The following LDB2 variants were observed in gnomAD, a reference collection of about 807,000 sequenced individuals.
LDB2 encodes the protein LIM domain-binding protein 2.
LDB2 carries 12 observed loss-of-function variants against 44.3 expected under a neutral mutation model. The observed-to-expected ratio is 0.27, with a 90% confidence interval of 0.17 to 0.44. The LOEUF is 0.44. LDB2 is among the 20% of genes least tolerant of loss of function. The pLI is 1.00. For missense variants in LDB2, 344 were observed against 473.5 expected, an observed-to-expected ratio of 0.73 and a Z score of 2.54; for synonymous variants, 164 against 174.8, an observed-to-expected ratio of 0.94 and a Z score of 0.49.
At chr4:16,508,744 A>G (rs1420913703) in intron 6 of LDB2, 58 bp from the exon 7 acceptor site, 4 of 1,546,478 alleles carry the variant, frequency 2.6e-6, no homozygotes, top group East Asian at 4.6e-5. Context: ...CAAGGCAATC[A>G]TCAGTATGGT....
intron 2 of LDB2, among the ~76,000 whole-genome samples, chr4:16,700,976 C>T (rs776164391): frequency 2.0e-5 from 3 of 152,120 alleles, no homozygotes; most frequent in Non-Finnish European, 4.4e-5. Context: ...TATATGAACT[C>T]ATTTGTTACT....
At chr4:16,829,911 C>T (rs1485260918) in intron 1 of LDB2, among the ~76,000 whole-genome samples, 2 of 152,052 alleles carry the variant, frequency 1.3e-5, no homozygotes, top group Non-Finnish European at 2.9e-5. Context: ...TTGAGACCAT[C>T]CTGGCCGACA....
chr4:16,529,380 T>G (rs1407264305), intron 5 of LDB2, among the ~76,000 whole-genome samples: 1 of 152,156 alleles, frequency 6.6e-6, no homozygotes, highest in African/African-American at 2.4e-5. Context: ...TAATGTTGAA[T>G]GAATGAATGA....
chr4:16,729,790 A>G (rs940532326), intron 2 of LDB2, among the ~76,000 whole-genome samples: 1 of 152,164 alleles, frequency 6.6e-6, no homozygotes, highest in Admixed American at 6.5e-5. Context: ...TCGTCTTTCT[A>G]AGGAGCACAC....
At chr4:16,694,396 G>A (rs965950777) in intron 2 of LDB2, among the ~76,000 whole-genome samples, 1 of 152,170 alleles carries the variant, frequency 6.6e-6, no homozygotes, top group Non-Finnish European at 1.5e-5. Flanking sequence ...AACATTGACC[G>A]ATCACAGCTG....
intron 1 of LDB2, among the ~76,000 whole-genome samples, chr4:16,876,135 G>C (rs1414732535): frequency 6.6e-6 from 1 of 152,136 alleles, no homozygotes; most frequent in African/African-American, 2.4e-5. Context: ...TGTTTCAGAA[G>C]CGCTCAAGGT....
rs528044387 is a variant in LDB2, at chr4:16,652,515, G to A, written c.236-56640C>T. Reference sequence around the variant, plus strand: ...GCTGATAGATATTTAGCCCGTCCTGGTCCTAATGGACTTCTGCCACCCCAT... The same window carrying A: ...GCTGATAGATATTTAGCCCGTCCTGATCCTAATGGACTTCTGCCACCCCAT... On this transcript the variant is annotated intron_variant, in intron 2 of 7. Transcript: ENST00000304523. 9.3e-4 allele frequency among the ~76,000 whole-genome samples: 141 copies of A among 152,274 alleles called. 1 individual carries two copies. The highest frequency in any genetic ancestry group is 3.3e-3 in the African/African-American group (138 of 41,558).
intron 2 of LDB2, among the ~76,000 whole-genome samples, chr4:16,618,038 C>T (rs1727813739): frequency 6.6e-6 from 1 of 152,162 alleles, no homozygotes; most frequent in Non-Finnish European, 1.5e-5. Flanking sequence ...CTACTTCCTC[C>T]AGGGTGCCTT....
intron 1 of LDB2, among the ~76,000 whole-genome samples, chr4:16,842,806 A>C (rs1786137839): frequency 6.6e-6 from 1 of 152,248 alleles, no homozygotes; most frequent in South Asian, 2.1e-4. Context: ...CAGGTTCTGG[A>C]ACTGGTATTT....
At chr4:16,690,155 T>C (rs1750280929) in intron 2 of LDB2, among the ~76,000 whole-genome samples, 1 of 152,082 alleles carries the variant, frequency 6.6e-6, no homozygotes, top group Non-Finnish European at 1.5e-5. Context: ...GGGAAGTTTA[T>C]CACAAGGGTG....
At chr4:16,703,438 T>C (rs1435829497) in intron 2 of LDB2, among the ~76,000 whole-genome samples, 1 of 152,186 alleles carries the variant, frequency 6.6e-6, no homozygotes, top group Non-Finnish European at 1.5e-5. Context: ...GACATGCCAA[T>C]AAGGTCATTG....
chr4:16,885,853 G>A (rs148798480), intron 1 of LDB2, among the ~76,000 whole-genome samples: 146 of 152,204 alleles, frequency 9.6e-4, no homozygotes, highest in African/African-American at 3.3e-3. Context: ...AAATGCTAAC[G>A]GTCATTATAA....
chr4:16,602,738 A>T (rs984310967), intron 2 of LDB2, among the ~76,000 whole-genome samples: 1 of 152,156 alleles, frequency 6.6e-6, no homozygotes, highest in Admixed American at 6.6e-5. Context: ...CCAAGACTTC[A>T]GTCACCCTAC....
intron 2 of LDB2, among the ~76,000 whole-genome samples, chr4:16,696,074 G>T (rs1285453943): frequency 2.6e-5 from 4 of 152,208 alleles, no homozygotes; most frequent in Non-Finnish European, 5.9e-5. Flanking sequence ...AGTAGGCAAT[G>T]AAAGTGCTGC....
chr4:16,756,011 G>C (rs993708641), intron 2 of LDB2, among the ~76,000 whole-genome samples: 5 of 152,174 alleles, frequency 3.3e-5, no homozygotes, highest in African/African-American at 1.2e-4. Flanking sequence ...GGGAGTGAAG[G>C]GCTTAAGAGA....
intron 2 of LDB2, among the ~76,000 whole-genome samples, chr4:16,606,331 T>G (rs886823570): frequency 1.6e-4 from 24 of 152,198 alleles, no homozygotes; most frequent in African/African-American, 5.1e-4. Flanking sequence ...CATCAGAGAT[T>G]GTTTTACATT....
At chr4:16,542,994 C>A (rs1161178265) in intron 5 of LDB2, among the ~76,000 whole-genome samples, 7 of 141,838 alleles carry the variant, frequency 4.9e-5, no homozygotes, top group Non-Finnish European at 1.0e-4. Context: ...CTTATTTTCA[C>A]TTCCCACCTG....
chr4:16,598,037 T>C (rs1398651814), intron 2 of LDB2, among the ~76,000 whole-genome samples: 1 of 152,184 alleles, frequency 6.6e-6, no homozygotes, highest in Non-Finnish European at 1.5e-5. Flanking sequence ...TGGTCCTGTT[T>C]AGACCATTAG....
chr4:16,797,158 G>A (rs1030696365), intron 1 of LDB2, among the ~76,000 whole-genome samples: 6 of 152,048 alleles, frequency 3.9e-5, no homozygotes, highest in African/African-American at 1.4e-4. Context: ...CAACCCTGAG[G>A]AACCACATAG....
Sources: allele counts gnomAD v4.1 joint callset (sites outside exome capture counted in the v4.1 genomes callset), GRCh38; gene constraint gnomAD v4.1.1; transcripts MANE v1.5; gene names NCBI Gene and HGNC (gene_info 2026-07-23, HGNC 2026-07-21).